MYO3A: variants seen among roughly 807,000 people sequenced by gnomAD.
MYO3A encodes the protein myosin-IIIa.
Under a neutral mutation model 192.7 loss-of-function variants are expected in MYO3A, and 180 were observed. The ratio of observed to expected loss-of-function variants is 0.93; its 90% CI spans 0.83 to 1.06. The LOEUF is 1.06. MYO3A is among the 50% of genes least tolerant of loss of function. The pLI is 0.00. For missense variants in MYO3A, 1,896 were observed against 1,905.0 expected, an observed-to-expected ratio of 1.00 and a Z score of 0.09; for synonymous variants, 628 against 645.3, an observed-to-expected ratio of 0.97 and a Z score of 0.41.
At chr10:25,972,354 T>G (rs1325361754) in intron 4 of MYO3A, among the ~76,000 whole-genome samples, 2 of 152,136 alleles carry the variant, frequency 1.3e-5, no homozygotes, top group Admixed American at 1.3e-4. Context: ...TCTTTGCTAC[T>G]GTAAGGATGA....
At chr10:26,205,181 A>G (rs1014055719) in intron 34 of MYO3A, among the ~76,000 whole-genome samples, 4 of 152,206 alleles carry the variant, frequency 2.6e-5, no homozygotes, top group African/African-American at 4.8e-5. Flanking sequence ...TGATGTTTTA[A>G]GATACATGTA....
chr10:26,133,698 A>G (rs955480475), intron 20 of MYO3A, among the ~76,000 whole-genome samples: 1 of 152,192 alleles, frequency 6.6e-6, no homozygotes, highest in African/African-American at 2.4e-5. Context: ...AGTTCAAGTC[A>G]TCCTCCTACC....
intron 31 of MYO3A, among the ~76,000 whole-genome samples, 162 bp from the exon 32 acceptor site, chr10:26,193,043 G>A (rs1387592601): frequency 6.6e-6 from 1 of 152,160 alleles, no homozygotes; most frequent in Non-Finnish European, 1.5e-5. Flanking sequence ...AGCACATGGT[G>A]AGGAGTAGGA....
chr10:26,062,530 A>AAAAAAAAAAAATAAAAACG (rs1554816581), intron 10 of MYO3A, among the ~76,000 whole-genome samples: 1 of 125,946 alleles, frequency 7.9e-6, no homozygotes, highest in Non-Finnish European at 1.7e-5. Context: ...AAAAAAAAAA[A>AAAAAAAAAAAATAAAAACG]AAATTATGGA....
intron 6 of MYO3A, among the ~76,000 whole-genome samples, chr10:26,009,092 T>C (rs999860065): frequency 1.3e-5 from 2 of 151,662 alleles, no homozygotes; most frequent in Admixed American, 1.3e-4. Flanking sequence ...GTGGATGAAA[T>C]TGGAAATCAT....
At position 25,952,174 on chromosome 10, in the gene MYO3A, G is replaced by T; in HGVS notation, c.64G>T (p.Glu22Ter). 6.2e-7 allele frequency: 1 copy of T among 1,612,286 alleles called. No individual in the cohort carries two copies. Among genetic ancestry groups the T allele is most frequent in the African/African-American group, 1.3e-5 (1 of 74,902 alleles). ...CTTTCCTGATCCTTCTGATACATGG[G>T]AAATCACTGAGACAATTGGCAAAGG... ...DNFPDPSDTW[E>*]ITETIGKGTY... The change falls in exon 3 of 35, where the codon GAA (glutamate) becomes TAA (stop). Residue 22 changes from glutamate (E) to a stop codon, truncating the protein, a stop_gained. Transcript: ENST00000642920. LOFTEE classifies it high-confidence loss of function.
chr10:26,108,916 A>T (rs533369348), intron 17 of MYO3A, among the ~76,000 whole-genome samples: 1 of 152,324 alleles, frequency 6.6e-6, no homozygotes, highest in Admixed American at 6.5e-5. Flanking sequence ...GCCCTGCCTT[A>T]CAAGGGAGGT....
At chr10:25,949,677 G>A (rs746924134) in intron 2 of MYO3A, among the ~76,000 whole-genome samples, 16 of 152,000 alleles carry the variant, frequency 1.1e-4, no homozygotes, top group Admixed American at 9.8e-4. Context: ...CCATTTACTC[G>A]ATAATGTGCC....
At chr10:26,078,043 T>A in intron 14 of MYO3A, among the ~76,000 whole-genome samples, 1 of 151,992 alleles carries the variant, frequency 6.6e-6, no homozygotes, top group Non-Finnish European at 1.5e-5. Context: ...CTTCTTTCTC[T>A]ATCTTGTGGA....
chr10:26,189,201 T>C (rs2132128028), intron 31 of MYO3A, among the ~76,000 whole-genome samples: 1 of 152,350 alleles, frequency 6.6e-6, no homozygotes, highest in East Asian at 1.9e-4. Flanking sequence ...TGTGTGTGTC[T>C]GTCTTAATCT....
chr10:26,158,759 T>A (rs1841305156), intron 26 of MYO3A, among the ~76,000 whole-genome samples: 1 of 152,148 alleles, frequency 6.6e-6, no homozygotes, highest in Admixed American at 6.5e-5. Flanking sequence ...TTTTTAAAGA[T>A]GAAGTCTATT....
At chr10:26,061,856 A>AACAG (rs111304236) in intron 10 of MYO3A, among the ~76,000 whole-genome samples, 71,634 of 151,732 alleles carry the variant, frequency 0.47, 17,743 homozygotes, top group Middle Eastern at 0.59. Context: ...GGTCCATAAA[A>AACAG]ACAGAAAATT....
intron 31 of MYO3A, among the ~76,000 whole-genome samples, chr10:26,192,933 G>T (rs937862711): frequency 6.6e-6 from 1 of 152,064 alleles, no homozygotes; most frequent in African/African-American, 2.4e-5. Flanking sequence ...GGGATAACAG[G>T]CGTGAACCAC....
chr10:26,034,849 A>G (rs929230245), intron 10 of MYO3A, among the ~76,000 whole-genome samples: 2 of 151,478 alleles, frequency 1.3e-5, no homozygotes, highest in African/African-American at 2.4e-5. Flanking sequence ...ATATTGATAT[A>G]TATTTAATAT....
At chr10:25,999,959 A>G (rs1373007700) in intron 6 of MYO3A, among the ~76,000 whole-genome samples, 3 of 151,984 alleles carry the variant, frequency 2.0e-5, no homozygotes, top group Admixed American at 2.0e-4. Context: ...TCTAGCCCTC[A>G]TCTCTTGCCT....
intron 20 of MYO3A, among the ~76,000 whole-genome samples, chr10:26,134,148 A>G (rs2131789661): frequency 6.6e-6 from 1 of 152,310 alleles, no homozygotes; most frequent in South Asian, 2.1e-4. Context: ...TTTTCTGAAT[A>G]AGGAAGCTGC....
chr10:25,994,762 C>T (rs1465305445), intron 4 of MYO3A, among the ~76,000 whole-genome samples: 1 of 152,192 alleles, frequency 6.6e-6, no homozygotes, highest in Admixed American at 6.5e-5. Context: ...TTCTCCTTCA[C>T]TTATGAAGCT....
At chr10:26,084,614 C>T (rs1836188047) in intron 14 of MYO3A, among the ~76,000 whole-genome samples, 1 of 152,218 alleles carries the variant, frequency 6.6e-6, no homozygotes, top group South Asian at 2.1e-4. Flanking sequence ...AGCGACCCTT[C>T]TGCTTCAGCC....
chr10:26,011,676 C>T (rs1588771968), intron 6 of MYO3A, among the ~76,000 whole-genome samples: 1 of 152,154 alleles, frequency 6.6e-6, no homozygotes, highest in Non-Finnish European at 1.5e-5. Flanking sequence ...TGAATTCTAT[C>T]AGACATTCAA....
Sources: gnomAD v4.1 joint callset for allele counts (sites outside exome capture counted in the v4.1 genomes callset) on GRCh38, gnomAD v4.1.1 for gene constraint, MANE v1.5 for transcripts, NCBI Gene and HGNC (gene_info 2026-07-23, HGNC 2026-07-21) for gene names.